MAGI2: variants seen among roughly 807,000 people sequenced by gnomAD.
MAGI2 encodes the protein membrane-associated guanylate kinase, WW and PDZ domain-containing protein 2.
MAGI2 carries 35 observed loss-of-function variants against 133.3 expected under a neutral mutation model. That is an observed-to-expected ratio of 0.26 (90% CI 0.20 to 0.35). MAGI2 has a LOEUF of 0.35. Ranked by LOEUF, MAGI2 falls within the 10% of genes least tolerant of loss-of-function variation. The pLI, the probability that MAGI2 is intolerant of heterozygous loss-of-function variation, is 1.00. For missense variants in MAGI2, 1,636 were observed against 1,863.4 expected (o/e 0.88, Z 2.25); for synonymous variants, 729 against 710.6 (o/e 1.03, Z -0.41).
chr7:79,175,362 A>G (rs1481598467), intron 1 of MAGI2, among the ~76,000 whole-genome samples: 1 of 151,906 alleles, frequency 6.6e-6, no homozygotes, highest in African/African-American at 2.4e-5. Context: ...AAGGCAATTC[A>G]GTTTATTTTT....
chr7:79,260,064 G>A (rs1833964615), intron 1 of MAGI2, among the ~76,000 whole-genome samples: 1 of 152,180 alleles, frequency 6.6e-6, no homozygotes, highest in Non-Finnish European at 1.5e-5. Flanking sequence ...ATTTGCAAGT[G>A]CAGTACAAGG....
At chr7:79,102,004 T>G (rs1364346716) in intron 1 of MAGI2, among the ~76,000 whole-genome samples, 2 of 152,088 alleles carry the variant, frequency 1.3e-5, no homozygotes, top group African/African-American at 4.8e-5. Flanking sequence ...TACCTTACAT[T>G]TGTTCATACA....
At chr7:78,049,095 G>C (rs186652379) in intron 21 of MAGI2, among the ~76,000 whole-genome samples, 7 of 130,530 alleles carry the variant, frequency 5.4e-5, no homozygotes, top group Non-Finnish European at 8.3e-5. Flanking sequence ...GCAACAGAGT[G>C]AGACTCCACC....
chr7:78,197,009 C>T (rs993894742), intron 11 of MAGI2, among the ~76,000 whole-genome samples: 2 of 152,222 alleles, frequency 1.3e-5, no homozygotes, highest in Non-Finnish European at 2.9e-5. Flanking sequence ...TATAATATCA[C>T]ACTGGGGGGA....
chr7:78,053,509 A>G lies in MAGI2; in HGVS notation c.3706+25438T>C, dbSNP rs575288989. Reference sequence around the variant, plus strand: ...ATGCTCCTGCCATGGGAATATGCATATATTTGAAGGTCAAAAAGTGAGGCC... The same window carrying G: ...ATGCTCCTGCCATGGGAATATGCATGTATTTGAAGGTCAAAAAGTGAGGCC... On this transcript the variant is annotated intron_variant, in intron 21 of 21. Coordinates refer to ENST00000354212, the MANE Select transcript of MAGI2 (RefSeq NM_012301.4). 2.6e-5 allele frequency among the ~76,000 whole-genome samples: 4 copies of G among 152,364 alleles called. 1 individual carries two copies. In the South Asian group the frequency reaches 6.2e-4, roughly 24 times the overall value.
Position 78,861,312 on chromosome 7 carries a change from T to C in MAGI2, c.418+145778A>G, listed in dbSNP as rs573648767. Among the ~76,000 whole-genome samples, 5 of 152,348 alleles carry C rather than the reference T, an allele frequency of 3.3e-5. No individual in the cohort carries two copies. The East Asian group carries it at 9.6e-4, about 29-fold the overall frequency. The stretch of plus-strand genomic sequence containing the variant: ...AATCACCCGTCTTCTGCATCGCTCA[T>C]GCTGGGAGTTTCAGACTAGAGCTGT... On this transcript the variant is annotated intron_variant, in intron 2 of 21. Transcript: ENST00000354212.
chr7:79,136,032 A>AGAAG (rs1308995687), intron 1 of MAGI2, among the ~76,000 whole-genome samples: 21 of 136,190 alleles, frequency 1.5e-4, no homozygotes, highest in Admixed American at 3.8e-4. Context: ...AAAGAAGGAA[A>AGAAG]GAAAGAAAGA....
At chr7:79,061,373 T>C (rs1377494976) in intron 1 of MAGI2, among the ~76,000 whole-genome samples, 2 of 152,070 alleles carry the variant, frequency 1.3e-5, no homozygotes, top group Middle Eastern at 3.4e-3. Context: ...TCAACGAGGC[T>C]GAGAAGAGGA....
In MAGI2 at chr7:78,501,679, T is replaced by C. The variant is rs1362458553; in HGVS notation, c.863A>G (p.Asp288Gly). The C allele has an allele frequency of 3.1e-6, 5 of 1,614,010 alleles. No individual in the cohort carries two copies. Among genetic ancestry groups the C allele is most frequent in the Non-Finnish European group, 4.2e-6 (5 of 1,180,028 alleles). Residue 288 changes from aspartate (D) to glycine (G), a missense_variant, in exon 5 of 22, where the codon GAT becomes GGT. This residue lies in a region of MAGI2 where 165 missense variants were observed against 128.4 expected (regional missense o/e 1.28). Coordinates refer to ENST00000354212, the MANE Select transcript of MAGI2 (RefSeq NM_012301.4). ...SQPEELKEQM[D>G]DTKPTKPEDN... ...TTCAGGTTTAGTTGGCTTTGTGTCA[T>C]CCATCTGCTCCTTCAGCTCCTCAGG...
chr7:78,646,567 T>C (rs1020042575), intron 2 of MAGI2, among the ~76,000 whole-genome samples: 3 of 152,220 alleles, frequency 2.0e-5, no homozygotes, highest in African/African-American at 4.8e-5. Context: ...TTCTTATATA[T>C]AACTCCTTTG....
At position 78,525,657 on chromosome 7, in the gene MAGI2, T is replaced by G. The variant is rs1796889392; in HGVS notation, c.539-4012A>C. ...ACCCACAACAATATGGTGTAATGCT[T>G]AACAGCATAAATGCTAGTGAGATAA... On this transcript the variant is annotated intron_variant, in intron 3 of 21. Coordinates refer to ENST00000354212, the MANE Select transcript of MAGI2 (RefSeq NM_012301.4). Among the ~76,000 whole-genome samples, 4 of 152,222 alleles carry G rather than the reference T, an allele frequency of 2.6e-5. No homozygotes were observed. The South Asian group carries it at 8.3e-4, about 32-fold the overall frequency.
chr7:78,914,877 G>C (rs1030975716), intron 2 of MAGI2, among the ~76,000 whole-genome samples: 6 of 152,062 alleles, frequency 3.9e-5, no homozygotes, highest in Non-Finnish European at 2.9e-5. Flanking sequence ...AGACGGCTCA[G>C]TTTCCTACAA....
rs138372850 is a variant in MAGI2 at position 79,221,045 on chromosome 7, C to G, written c.302-213839G>C. On this transcript the variant is annotated intron_variant, in intron 1 of 21. Coordinates refer to ENST00000354212, the MANE Select transcript of MAGI2 (RefSeq NM_012301.4). ...AGAGGAAGAGCAATACCACGTGCAC[C>G]TGATGGTAGAAGGGTTTTCTCTTAG... 3.9e-4 allele frequency among the ~76,000 whole-genome samples: 59 copies of G among 151,988 alleles called. No individual in the cohort carries two copies. The East Asian group carries it at 0.011, about 28-fold the overall frequency.
intron 1 of MAGI2, among the ~76,000 whole-genome samples, chr7:79,165,913 C>T (rs560306679): frequency 7.2e-5 from 11 of 152,114 alleles, no homozygotes; most frequent in Non-Finnish European, 1.0e-4. Flanking sequence ...ACTACAATCA[C>T]ATCAAAGGCA....
intron 2 of MAGI2, among the ~76,000 whole-genome samples, chr7:78,841,178 AGTCATACAC>A: frequency 6.6e-6 from 1 of 152,158 alleles, no homozygotes; most frequent in Non-Finnish European, 1.5e-5. Flanking sequence ...CACATTGCTT[AGTCATACAC>A]TGAAGTACTA....
Position 78,443,456 on chromosome 7 carries a change from T to C in MAGI2, c.1045+46305A>G, listed in dbSNP as rs147439259. 7.2e-5 allele frequency among the ~76,000 whole-genome samples: 11 copies of C among 152,272 alleles called. No homozygotes were observed. In the East Asian group the frequency reaches 1.9e-3, roughly 27 times the overall value. Reference sequence around the variant, plus strand: ...CAAGCACAGAGCCTAATATTTTCAGTTCATGATGCTATCCCCAGGCTTTAA... The same window carrying C: ...CAAGCACAGAGCCTAATATTTTCAGCTCATGATGCTATCCCCAGGCTTTAA... On this transcript the variant is annotated intron_variant, in intron 6 of 21. Coordinates refer to ENST00000354212, the MANE Select transcript of MAGI2 (RefSeq NM_012301.4).
At chr7:79,179,210 T>G (rs752708822) in intron 1 of MAGI2, among the ~76,000 whole-genome samples, 12 of 151,996 alleles carry the variant, frequency 7.9e-5, no homozygotes, top group African/African-American at 1.2e-4. Flanking sequence ...AAAACACCTA[T>G]TTTTTCCTTC....
chr7:78,844,626 T>A (rs539362098), intron 2 of MAGI2, among the ~76,000 whole-genome samples: 1 of 151,962 alleles, frequency 6.6e-6, no homozygotes, highest in Admixed American at 6.6e-5. Context: ...AGACGAGTGG[T>A]TTCCAGGAGA....
Position 78,493,629 on chromosome 7 carries a change from G to GTT in MAGI2, c.966-3791_966-3790dup, listed in dbSNP as rs35748485. On this transcript the variant is annotated intron_variant, in intron 5 of 21. Coordinates refer to ENST00000354212, the MANE Select transcript of MAGI2 (RefSeq NM_012301.4). ...GATATATCTGGTTTCCAGGTACAAG[G>GTT]TTTTTTTTTAGTGGTCTGAAACCAG... 2.2e-3 allele frequency among the ~76,000 whole-genome samples: 330 copies of GTT among 151,060 alleles called. 5 individuals are homozygous for GTT. The highest frequency in any genetic ancestry group is 7.3e-3 in the African/African-American group (299 of 41,168).
Sources: allele counts gnomAD v4.1 joint callset (sites outside exome capture counted in the v4.1 genomes callset), GRCh38; gene constraint gnomAD v4.1.1; regional missense constraint gnomAD v4.1.1; transcripts MANE v1.5; gene names NCBI Gene and HGNC (gene_info 2026-07-23, HGNC 2026-07-21).